TNR: variants seen among roughly 807,000 people sequenced by gnomAD.
TNR encodes tenascin-R.
Under a neutral mutation model 150.4 loss-of-function variants are expected in TNR, and 45 were observed. The observed-to-expected ratio is 0.30, with a 90% CI of 0.24 to 0.38. The LOEUF (loss-of-function observed/expected upper bound fraction) is 0.38. Ranked by LOEUF, TNR falls within the 10% of genes least tolerant of loss-of-function variation. The pLI, the probability that TNR is intolerant of heterozygous loss-of-function variation, is 1.00. For synonymous variants in TNR, 687 were observed against 678.4 expected, an observed-to-expected ratio of 1.01 and a Z score of -0.20; for missense variants, 1,544 against 1,759.1, an observed-to-expected ratio of 0.88 and a Z score of 2.19.
At chr1:175,680,525 C>T (rs901128289) in intron 1 of TNR, among the ~76,000 whole-genome samples, 3 of 152,158 alleles carry the variant, frequency 2.0e-5, no homozygotes, top group African/African-American at 4.8e-5. Flanking sequence ...ACAGCTGAAC[C>T]CTGTGTGCCA....
chr1:175,551,070 A>C (rs1202649556), intron 1 of TNR, among the ~76,000 whole-genome samples: 1 of 152,202 alleles, frequency 6.6e-6, no homozygotes. Flanking sequence ...AAATGCAAAG[A>C]AAATGGTTGA....
At chr1:175,512,126 T>C (rs1226284839) in intron 2 of TNR, among the ~76,000 whole-genome samples, 1 of 152,136 alleles carries the variant, frequency 6.6e-6, no homozygotes, top group Non-Finnish European at 1.5e-5. Flanking sequence ...ACATATCTCC[T>C]TGGAAGAGAA....
chr1:175,408,804 T>C (rs1409862991), intron 2 of TNR, among the ~76,000 whole-genome samples: 1 of 152,244 alleles, frequency 6.6e-6, no homozygotes, highest in Non-Finnish European at 1.5e-5. Context: ...GTGGAATAAT[T>C]GTTCCAGTTC....
intron 1 of TNR, among the ~76,000 whole-genome samples, chr1:175,678,847 A>T (rs1571743834): frequency 6.6e-6 from 1 of 152,214 alleles, no homozygotes; most frequent in African/African-American, 2.4e-5. Context: ...AGGCAGAGAG[A>T]CTAGGAGATA....
chr1:175,614,293 G>A (rs1663694005), intron 1 of TNR, among the ~76,000 whole-genome samples: 1 of 152,014 alleles, frequency 6.6e-6, no homozygotes, highest in African/African-American at 2.4e-5. Context: ...GGGAAGCAAG[G>A]CTGAGCTGAT....
intron 2 of TNR, among the ~76,000 whole-genome samples, chr1:175,515,560 G>T (rs1557980526): frequency 6.6e-6 from 1 of 152,174 alleles, no homozygotes; most frequent in Non-Finnish European, 1.5e-5. Context: ...ACTTGGGTGT[G>T]GCCAGAATAC....
At chr1:175,512,062 G>A (rs547553390) in intron 2 of TNR, among the ~76,000 whole-genome samples, 5 of 152,194 alleles carry the variant, frequency 3.3e-5, no homozygotes, top group East Asian at 1.9e-4. Context: ...CTAGTAGGTC[G>A]AAATATTCAT....
chr1:175,364,959 G>A lies in TNR; in HGVS notation c.2587+51C>T, dbSNP rs1651762500. On this transcript the variant is annotated intron_variant, in intron 12 of 22. Transcript: ENST00000367674. The stretch of plus-strand genomic sequence containing the variant: ...TTAAAATTTCATTGATTTGTCAAAG[G>A]CTACTGTGAAAACCCCTTTCATCAC... 8 of 1,542,422 alleles carry A rather than the reference G, an allele frequency of 5.2e-6. No individual in the cohort carries two copies. In the African/African-American group the frequency reaches 5.5e-5, roughly 11 times the overall value.
chr1:175,396,458 C>A, intron 5 of TNR, 86 bp downstream of exon 5: 1 of 1,500,396 alleles, frequency 6.7e-7, no homozygotes, highest in South Asian at 1.3e-5. Context: ...CCCTGAAGAA[C>A]TAAGAAAAGA....
chr1:175,542,280 T>C (rs796937968), intron 1 of TNR, among the ~76,000 whole-genome samples: 5 of 152,350 alleles, frequency 3.3e-5, no homozygotes, highest in African/African-American at 1.2e-4. Context: ...GGTATTTTAT[T>C]TGTAAGTGTA....
At chr1:175,470,141 G>A (rs554114771) in intron 2 of TNR, among the ~76,000 whole-genome samples, 2 of 152,284 alleles carry the variant, frequency 1.3e-5, no homozygotes, top group South Asian at 4.2e-4. Flanking sequence ...TGCATTTGAG[G>A]AGTCTACAGA....
chr1:175,424,810 C>T (rs1459269168), intron 2 of TNR, among the ~76,000 whole-genome samples: 1 of 152,130 alleles, frequency 6.6e-6, no homozygotes, highest in African/African-American at 2.4e-5. Context: ...CTGGAACGGA[C>T]AGTGGCCAAG....
intron 1 of TNR, among the ~76,000 whole-genome samples, chr1:175,707,515 G>C (rs76620632): frequency 0.015 from 2,271 of 152,202 alleles, 70 homozygotes; most frequent in African/African-American, 0.051. Context: ...AAGAAACACT[G>C]AGCTACAAAC....
intron 1 of TNR, among the ~76,000 whole-genome samples, chr1:175,670,696 G>A (rs989953055): frequency 2.6e-5 from 4 of 152,160 alleles, no homozygotes; most frequent in African/African-American, 9.6e-5. Context: ...AATTTTTGAT[G>A]ACAAATAAAG....
intron 2 of TNR, among the ~76,000 whole-genome samples, chr1:175,428,643 C>G (rs761190147): frequency 3.3e-5 from 5 of 152,146 alleles, no homozygotes; most frequent in Non-Finnish European, 5.9e-5. Context: ...GAGCACCTAC[C>G]AGGCATAATA....
intron 1 of TNR, among the ~76,000 whole-genome samples, chr1:175,712,194 C>T (rs892915668): frequency 6.6e-6 from 1 of 152,158 alleles, no homozygotes; most frequent in Non-Finnish European, 1.5e-5. Flanking sequence ...TACCAGAATT[C>T]TCATTTTCAC....
chr1:175,480,603 G>C (rs562586709), intron 2 of TNR, among the ~76,000 whole-genome samples: 1 of 152,126 alleles, frequency 6.6e-6, no homozygotes, highest in African/African-American at 2.4e-5. Flanking sequence ...GCCCAGCGTC[G>C]TGCTAAGTAT....
chr1:175,657,883 A>ATATATATATATATATGTGTG (rs1464419575), intron 1 of TNR, among the ~76,000 whole-genome samples: 29 of 101,146 alleles, frequency 2.9e-4, no homozygotes, highest in Non-Finnish European at 4.7e-4. Flanking sequence ...ATATATATAT[A>ATATATATATATATATGTGTG]TGTAACAAAC....
intron 1 of TNR, among the ~76,000 whole-genome samples, chr1:175,676,072 C>T (rs1665855597): frequency 6.6e-6 from 1 of 152,156 alleles, no homozygotes; most frequent in South Asian, 2.1e-4. Context: ...CTCTGTGTTG[C>T]AGCACAGTGC....
Sources: allele counts gnomAD v4.1 joint callset (sites outside exome capture counted in the v4.1 genomes callset), GRCh38; gene constraint gnomAD v4.1.1; transcripts MANE v1.5; gene names NCBI Gene and HGNC (gene_info 2026-07-23, HGNC 2026-07-21).